The following FTCD variants were observed in gnomAD, a reference collection of about 807,000 sequenced individuals.
FTCD encodes formimidoyltransferase-cyclodeaminase.
Under a neutral mutation model 62.9 loss-of-function variants are expected in FTCD, and 76 were observed. The ratio of observed to expected loss-of-function variants is 1.21; its 90% CI spans 1.00 to 1.46. The LOEUF (loss-of-function observed/expected upper bound fraction) is 1.46, where lower values mean the gene tolerates loss of function less well. Among genes scored for constraint, FTCD ranks in the 40% most tolerant of loss-of-function variants. The pLI, the probability that FTCD is intolerant of heterozygous loss-of-function variation, is 0.00. For synonymous variants in FTCD, 397 were observed against 336.9 expected (o/e 1.18, Z -1.95); for missense variants, 845 against 751.3 (o/e 1.12, Z -1.46).
At chr21:46,144,960 G>A (rs1293467782) in intron 10 of FTCD, among the ~76,000 whole-genome samples, 1 of 151,802 alleles carries the variant, frequency 6.6e-6, no homozygotes, top group Non-Finnish European at 1.5e-5. Context: ...GTTATCTGAA[G>A]ATGGTGTTTC....
At chr21:46,143,426 G>A (rs2079062742) in intron 10 of FTCD, among the ~76,000 whole-genome samples, 2 of 150,748 alleles carry the variant, frequency 1.3e-5, no homozygotes, top group South Asian at 4.2e-4. Context: ...AAGAGACCGA[G>A]GGCACGAGCT....
intron 10 of FTCD, among the ~76,000 whole-genome samples, chr21:46,139,334 G>A (rs887009786): frequency 1.3e-5 from 2 of 152,202 alleles, no homozygotes; most frequent in Non-Finnish European, 2.9e-5. Flanking sequence ...GAAGGACCAA[G>A]AGCAAACCTC....
Position 46,137,461 on chromosome 21 carries a change from G to GC in FTCD, c.1444-128dup, listed in dbSNP as rs968801031. The GC allele has an allele frequency of 7.7e-6, 6 of 777,078 alleles. No homozygotes were observed. In the African/African-American group the frequency reaches 1.0e-4, roughly 13 times the overall value. The allele number at this position is 777,078 out of a possible 1,614,324, so 48.1% of individuals were successfully genotyped here. The stretch of plus-strand genomic sequence containing the variant: ...TCCTCCTCACAAGGAGCCCAGCGCA[G>GC]CCCCCGCTTTCGCCCCACAGAGGGC... On this transcript the variant is annotated intron_variant, in intron 12 of 13. Transcript: ENST00000397746.
intron 3 of FTCD, 146 bp from the exon 4 acceptor site, chr21:46,152,126 C>G (rs548801424): frequency 1.6e-6 from 1 of 618,696 alleles, no homozygotes; most frequent in South Asian, 2.0e-5. Flanking sequence ...CGTTCTCCGC[C>G]TTGGATGGAT....
intron 5 of FTCD, 65 bp downstream of exon 5, chr21:46,151,493 T>G: frequency 1.4e-6 from 2 of 1,446,482 alleles, no homozygotes; most frequent in Non-Finnish European, 1.9e-6. Flanking sequence ...CGCCTGAGGC[T>G]CTCAGCCTCT....
In FTCD at chr21:46,145,967, C is replaced by T. The variant is rs1214620282; in HGVS notation, c.969-20G>A. On this transcript the variant is annotated intron_variant, in intron 8 of 13. Coordinates refer to ENST00000397746, the MANE Select transcript of FTCD (RefSeq NM_206965.2). ...AGGTACCTGCAGGGTGGGCGCGGCT[C>T]AGCGGGTCTGGCCGGGGTTGGTGGG... 2 of 1,432,540 alleles carry T rather than the reference C, an allele frequency of 1.4e-6. No homozygotes were observed. Among genetic ancestry groups the T allele is most frequent in the East Asian group, 5.3e-5 (2 of 37,578 alleles). 88.7% of individuals were successfully genotyped at this position (1,432,540 alleles called of 1,614,324 possible). A position where few individuals can be genotyped will look rare whatever the true frequency, so the allele number is the denominator to read the frequency against.
At position 46,146,301 on chromosome 21, in the gene FTCD, G is replaced by A. The variant is rs752384764; in HGVS notation, c.933C>T (p.Ser311=). Residue 311 remains serine (S), a synonymous_variant, in exon 8 of 14, where the codon TCC becomes TCT. Coordinates refer to ENST00000397746, the MANE Select transcript of FTCD (RefSeq NM_206965.2). ...GCTCCTTAGGGCTGAAGGGGCACAG[G>A]GAGTCCAGGCCCAGCCGGCTCACCA... ...RLVVSRLGLD[S]LCPFSPKERI... The A allele has an allele frequency of 6.2e-7, 1 of 1,605,482 alleles. No homozygotes were observed. The highest frequency in any genetic ancestry group is 1.1e-5 in the South Asian group (1 of 89,682).
intron 9 of FTCD, 41 bp from the exon 10 acceptor site, chr21:46,145,619 C>T (rs1231853889): frequency 4.7e-6 from 7 of 1,485,214 alleles, no homozygotes; most frequent in African/African-American, 1.4e-5. Flanking sequence ...GGACCCCAGA[C>T]GGCCCGGGAC....
intron 2 of FTCD, 101 bp from the exon 3 acceptor site, chr21:46,153,136 C>T: frequency 7.9e-7 from 1 of 1,271,032 alleles, no homozygotes; most frequent in Non-Finnish European, 1.1e-6. Flanking sequence ...CTGGGCAGCC[C>T]CCAGTCCACA....
At position 46,138,237 on chromosome 21, in the gene FTCD, G is replaced by A. The variant is rs575556133; in HGVS notation, c.1443+271C>T. Among the ~76,000 whole-genome samples, 3 of 152,326 alleles carry A rather than the reference G, an allele frequency of 2.0e-5. No homozygotes were observed. In the East Asian group the frequency reaches 5.8e-4, roughly 29 times the overall value. On this transcript the variant is annotated intron_variant, in intron 12 of 13. Coordinates refer to ENST00000397746, the MANE Select transcript of FTCD (RefSeq NM_206965.2). ...CAAGACAGTGGGGGTGATACAAGGG[G>A]TCTTGGGGGAGTATACACTTATACA...
chr21:46,138,563 G>T lies in FTCD; in HGVS notation c.1388C>A (p.Pro463Gln). The change falls in exon 12 of 14, where the codon CCG becomes CAG. Residue 463 changes from proline (P) to glutamine (Q), a missense_variant. Coordinates refer to ENST00000397746, the MANE Select transcript of FTCD (RefSeq NM_206965.2). ...TLAETVASLW[P>Q]ALQELARCGN... is the part of the protein sequence containing the mutation. Reference sequence around the variant, plus strand: ...ACACCGGGCCAGTTCCTGCAGGGCCGGCCACAGCGAGGCCACCGTCTCCGC... The same window carrying T: ...ACACCGGGCCAGTTCCTGCAGGGCCTGCCACAGCGAGGCCACCGTCTCCGC... 1 of 1,586,722 alleles carries T rather than the reference G, an allele frequency of 6.3e-7. No homozygotes were observed. The highest frequency in any genetic ancestry group is 8.5e-7 in the Non-Finnish European group (1 of 1,173,780).
intron 3 of FTCD, 27 bp downstream of exon 3, chr21:46,152,880 G>T: frequency 2.6e-6 from 4 of 1,552,224 alleles, no homozygotes; most frequent in Non-Finnish European, 3.5e-6. Context: ...CGGGAGCAGA[G>T]TGAGGGGGGC....
chr21:46,155,536 G>C lies in FTCD; in HGVS notation c.-13C>G. On this transcript the variant is annotated 5_prime_UTR_variant, in exon 1 of 14. In the 5' UTR this introduces an upstream ATG that the reference lacks. Coordinates refer to ENST00000397746, the MANE Select transcript of FTCD (RefSeq NM_206965.2). ...CCAGCTGGGACATGGCCAGCACCTT[G>C]ATCCAGATGCTCCTCTCTGGGCAGA... is the stretch of plus-strand genomic sequence containing the variant. 2 of 1,611,814 alleles carry C rather than the reference G, an allele frequency of 1.2e-6. No homozygotes were observed. Among genetic ancestry groups the C allele is most frequent in the Non-Finnish European group, 8.5e-7 (1 of 1,178,994 alleles).
At chr21:46,142,818 T>C (rs2079051683) in intron 10 of FTCD, 6 of 152,220 alleles carry the variant, frequency 3.9e-5, no homozygotes, top group Admixed American at 3.3e-4. Context: ...AGAGTGCTGA[T>C]TGGTCCGTTT....
chr21:46,137,561 G>C (rs1350766117), intron 12 of FTCD, among the ~76,000 whole-genome samples: 1 of 152,136 alleles, frequency 6.6e-6, no homozygotes, highest in African/African-American at 2.4e-5. Flanking sequence ...GGAGGCCTGG[G>C]AGCAGTCACA....
intron 10 of FTCD, among the ~76,000 whole-genome samples, chr21:46,141,885 G>A (rs2079016231): frequency 6.6e-6 from 1 of 152,216 alleles, no homozygotes; most frequent in African/African-American, 2.4e-5. Flanking sequence ...AGAAAGCAGG[G>A]TTCTGCAAGC....
chr21:46,136,307 G>A, downstream of FTCD: 1 of 736,332 alleles, frequency 1.4e-6, no homozygotes, highest in East Asian at 2.7e-5. Flanking sequence ...CTGGAGACAG[G>A]AGGCTGGCTG....
At chr21:46,145,354 G>A in intron 10 of FTCD, 63 bp downstream of exon 10, 1 of 1,398,454 alleles carries the variant, frequency 7.2e-7, no homozygotes, top group Non-Finnish European at 9.7e-7. Flanking sequence ...CTTCTCACTG[G>A]GGCCCCAGCT....
chr21:46,147,630 C>T (rs1442088542), intron 7 of FTCD, among the ~76,000 whole-genome samples: 7 of 152,090 alleles, frequency 4.6e-5, no homozygotes, highest in Non-Finnish European at 8.8e-5. Context: ...AGGCATGGGG[C>T]CCTTCAGGTA....
Sources: gnomAD v4.1 joint callset for allele counts (sites outside exome capture counted in the v4.1 genomes callset) on GRCh38, gnomAD v4.1.1 for gene constraint, MANE v1.5 for transcripts, NCBI Gene and HGNC (gene_info 2026-07-23, HGNC 2026-07-21) for gene names.